The following ADRA1B variants were observed in gnomAD, a reference collection of about 807,000 sequenced individuals.
ADRA1B encodes adrenoceptor alpha 1B.
ADRA1B carries 17 observed loss-of-function variants against 17.9 expected under a neutral mutation model. The ratio of observed to expected loss-of-function variants is 0.95; its 90% confidence interval spans 0.65 to 1.42. The LOEUF (loss-of-function observed/expected upper bound fraction) is 1.42, where lower values mean the gene tolerates loss of function less well. Ranked by LOEUF, ADRA1B falls within the 40% of genes most tolerant of loss-of-function variation. The pLI is 0.00. For synonymous variants in ADRA1B, 366 were observed against 327.6 expected (o/e 1.12, Z -1.27); for missense variants, 681 against 722.1 (o/e 0.94, Z 0.65).
At chr5:159,894,059 C>G (rs966960643) in intron 1 of ADRA1B, among the ~76,000 whole-genome samples, 2 of 152,192 alleles carry the variant, frequency 1.3e-5, no homozygotes, top group African/African-American at 4.8e-5. Context: ...ATCCACCTAC[C>G]TGGCAAGGGG....
Position 159,916,739 on chromosome 5 carries a change from G to A in ADRA1B, c.-167G>A. On this transcript the variant is annotated 5_prime_UTR_variant, in exon 1 of 2. Transcript: ENST00000306675. ...CGAGCGAGCGACTCGGTGCAGGCAG[G>A]AGACGTGCTGCCGGGCTGGGCTGCC... The A allele has an allele frequency of 1.6e-6, 1 of 639,716 alleles. No homozygotes were observed. The highest frequency in any genetic ancestry group is 2.7e-6 in the Non-Finnish European group (1 of 364,500). The allele number at this position is 639,716 out of a possible 1,614,324, so 39.6% of individuals were successfully genotyped here.
At chr5:159,979,822 C>A in the ADRA1B span, among the ~76,000 whole-genome samples, 1 of 151,532 alleles carries the variant, frequency 6.6e-6, no homozygotes, top group South Asian at 2.1e-4. Flanking sequence ...GAGCCAAGAT[C>A]GTGCCACTGT....
At chr5:159,908,259 T>A (rs1754186832) in intron 1 of ADRA1B, among the ~76,000 whole-genome samples, 1 of 152,216 alleles carries the variant, frequency 6.6e-6, no homozygotes. Flanking sequence ...GACAAGTTAA[T>A]GAATCTCTCT....
At chr5:159,902,730 G>A (rs1189273486) in intron 1 of ADRA1B, among the ~76,000 whole-genome samples, 4 of 152,198 alleles carry the variant, frequency 2.6e-5, no homozygotes, top group Non-Finnish European at 5.9e-5. Context: ...CTCAACCGAT[G>A]TCCATGGAAC....
At chr5:159,875,513 T>A (rs1255481863) in intron 1 of ADRA1B, among the ~76,000 whole-genome samples, 1 of 152,160 alleles carries the variant, frequency 6.6e-6, no homozygotes, top group Non-Finnish European at 1.5e-5. Context: ...TCATATACAG[T>A]ATCTTACTTT....
chr5:159,874,864 A>C (rs898072064), intron 1 of ADRA1B, among the ~76,000 whole-genome samples: 3 of 152,216 alleles, frequency 2.0e-5, no homozygotes, highest in African/African-American at 7.2e-5. Flanking sequence ...TCATGTACCC[A>C]AATGCAGTTT....
intron 1 of ADRA1B, among the ~76,000 whole-genome samples, chr5:159,921,492 C>G (rs1480196742): frequency 6.6e-6 from 1 of 152,190 alleles, no homozygotes; most frequent in African/African-American, 2.4e-5. Flanking sequence ...AGTGGCTGAG[C>G]TATTGAGGAT....
chr5:159,898,289 G>A (rs1754058990), intron 1 of ADRA1B, among the ~76,000 whole-genome samples: 1 of 152,212 alleles, frequency 6.6e-6, no homozygotes, highest in African/African-American at 2.4e-5. Context: ...CAGAGAGCAG[G>A]AAGAGTGGGA....
At position 159,917,859 on chromosome 5, in the gene ADRA1B, GT is replaced by G. The variant is rs773653936; in HGVS notation, c.949+7del. The G allele has an allele frequency of 2.6e-4, 411 of 1,590,530 alleles. No individual in the cohort carries two copies. The highest frequency in any genetic ancestry group is 3.3e-4 in the Non-Finnish European group (381 of 1,170,348). ...TCTTCATCGCTCTACCGCTTGGTAA[GT>G]TGGGGACTAGCAGCAGGGGGACTGG... On this transcript the variant is annotated splice_donor_region_variant and intron_variant, in intron 1 of 1. Transcript: ENST00000306675.
intron 1 of ADRA1B, among the ~76,000 whole-genome samples, chr5:159,893,034 G>C (rs1309184910): frequency 1.3e-5 from 2 of 152,140 alleles, no homozygotes; most frequent in African/African-American, 2.4e-5. Flanking sequence ...ATTCTGACTG[G>C]TATGAGATGG....
At chr5:159,950,043 G>T (rs532212198) in intron 1 of ADRA1B, among the ~76,000 whole-genome samples, 1 of 152,328 alleles carries the variant, frequency 6.6e-6, no homozygotes, top group East Asian at 1.9e-4. Flanking sequence ...GAATGCTGTT[G>T]TGCCAGGCAG....
At chr5:159,940,958 AT>A (rs1446200240) in intron 1 of ADRA1B, among the ~76,000 whole-genome samples, 1 of 152,190 alleles carries the variant, frequency 6.6e-6, no homozygotes, top group African/African-American at 2.4e-5. Context: ...TACAATTCTG[AT>A]TTAACGCATC....
chr5:159,949,989 G>A (rs971552807), intron 1 of ADRA1B, among the ~76,000 whole-genome samples: 1 of 152,230 alleles, frequency 6.6e-6, no homozygotes, highest in Non-Finnish European at 1.5e-5. Flanking sequence ...GGGCAAGCAG[G>A]GAAGAGAGAG....
At chr5:159,883,022 T>C (rs75755508) in intron 1 of ADRA1B, among the ~76,000 whole-genome samples, 2,573 of 152,294 alleles carry the variant, frequency 0.017, 62 homozygotes, top group African/African-American at 0.059. Context: ...GACCACCTCT[T>C]TACTGGCCAC....
At chr5:159,865,430 T>A (rs1052132307) in intron 1 of ADRA1B, among the ~76,000 whole-genome samples, 1 of 152,210 alleles carries the variant, frequency 6.6e-6, no homozygotes, top group Non-Finnish European at 1.5e-5. Context: ...GAGAAGTTTT[T>A]GGGTGAAACC....
At position 159,916,923 on chromosome 5, in the gene ADRA1B, C is replaced by T; in HGVS notation, c.18C>T (p.Asp6=). Residue 6 remains aspartate (D), a synonymous_variant, in exon 1 of 2, where the codon GAC becomes GAT. Coordinates refer to ENST00000306675, the MANE Select transcript of ADRA1B (RefSeq NM_000679.4). ...ACTCTAAGATGAATCCCGACCTGGACACCGGCCACAACACATCAGCACCTG... is the reference window on the plus strand; with the variant it reads ...ACTCTAAGATGAATCCCGACCTGGATACCGGCCACAACACATCAGCACCTG... The part of the protein sequence containing the change: MNPDL[D]TGHNTSAPAH... 3 of 1,612,222 alleles carry T rather than the reference C, an allele frequency of 1.9e-6. 1 individual carries two copies. The South Asian group carries it at 3.3e-5, about 18-fold the overall frequency.
In ADRA1B at chr5:159,949,565, A is replaced by T. The variant is rs143997137; in HGVS notation, c.950-22314A>T. Among the ~76,000 whole-genome samples the T allele has an allele frequency of 3.2e-4, 48 of 152,286 alleles. No homozygotes were observed. The East Asian group carries it at 6.7e-3, about 21-fold the overall frequency. On this transcript the variant is annotated intron_variant, in intron 1 of 1. Transcript: ENST00000306675. ...CTAAAACTAAAAGCAGGACTAATAC[A>T]CTCATTCTTCAAATGCTGGTCTTGC...
At chr5:159,975,619 A>C (rs1218061322), downstream of ADRA1B, among the ~76,000 whole-genome samples, 2 of 152,228 alleles carry the variant, frequency 1.3e-5, no homozygotes, top group Non-Finnish European at 2.9e-5. Flanking sequence ...TCACCCAGGC[A>C]GCATAGAGAG....
intron 1 of ADRA1B, chr5:159,947,768 A>G: frequency 1.0e-6 from 1 of 985,364 alleles, no homozygotes; most frequent in Non-Finnish European, 1.2e-6. Flanking sequence ...CACAATTTAA[A>G]TCTCTCCAGC....
Sources: gnomAD v4.1 joint callset for allele counts (sites outside exome capture counted in the v4.1 genomes callset) on GRCh38, gnomAD v4.1.1 for gene constraint, MANE v1.5 for transcripts, NCBI Gene and HGNC (gene_info 2026-07-23, HGNC 2026-07-21) for gene names.